The following CBFA2T2 variants were observed in gnomAD, a reference collection of about 807,000 sequenced individuals.
CBFA2T2 encodes CBFA2/RUNX1 partner transcriptional co-repressor 2, also known as protein CBFA2T2.
A neutral mutation model predicts 62.2 loss-of-function variants in CBFA2T2; 11 were observed. The ratio of observed to expected loss-of-function variants is 0.18; its 90% confidence interval spans 0.11 to 0.29. CBFA2T2 has a LOEUF of 0.29. Among genes scored for constraint, CBFA2T2 ranks in the 10% least tolerant of loss-of-function variants. The pLI is 1.00. For missense variants in CBFA2T2, 592 were observed against 774.1 expected (o/e 0.76, Z 2.79); for synonymous variants, 295 against 287.5 (o/e 1.03, Z -0.27).
At chr20:33,642,084 C>A (rs1290901171) in intron 10 of CBFA2T2, among the ~76,000 whole-genome samples, 1 of 148,416 alleles carries the variant, frequency 6.7e-6, no homozygotes, top group African/African-American at 2.5e-5. Flanking sequence ...CCTCCCTTTT[C>A]GTTCTCTCCT....
intron 1 of CBFA2T2, among the ~76,000 whole-genome samples, chr20:33,605,570 G>A (rs966068298): frequency 2.0e-5 from 3 of 152,150 alleles, no homozygotes; most frequent in Admixed American, 2.0e-4. Flanking sequence ...GCAGCATCAT[G>A]AAGTTTATCT....
At position 33,522,564 on chromosome 20, in the gene CBFA2T2, TA is replaced by T. The variant is rs1239084542; in HGVS notation, c.34+32275del. Among the ~76,000 whole-genome samples, 244 of 146,502 alleles carry T rather than the reference TA, an allele frequency of 1.7e-3. 1 individual carries two copies. The highest frequency in any genetic ancestry group is 4.8e-3 in the African/African-American group (192 of 40,118). Reference sequence around the variant, plus strand: ...TCAACATAGCAAGACCCTGTTTGTTTAAAAAAAAAAAATTAAAAAAATAAAA... The same window carrying T: ...TCAACATAGCAAGACCCTGTTTGTTTAAAAAAAAAAATTAAAAAAATAAAA... On this transcript the variant is annotated intron_variant, in intron 1 of 10. Coordinates refer to ENST00000342704, the MANE Select transcript of CBFA2T2 (RefSeq NM_001032999.3).
intron 1 of CBFA2T2, among the ~76,000 whole-genome samples, chr20:33,500,401 T>C (rs1475120216): frequency 6.6e-6 from 1 of 151,596 alleles, no homozygotes; most frequent in African/African-American, 2.4e-5. Context: ...CCCTAACAAC[T>C]CTTCTTATTT....
At chr20:33,595,533 T>A (rs941921144) in intron 1 of CBFA2T2, among the ~76,000 whole-genome samples, 1 of 151,640 alleles carries the variant, frequency 6.6e-6, no homozygotes, top group Non-Finnish European at 1.5e-5. Flanking sequence ...CGGTACTTGT[T>A]TTTTAATTTT....
At chr20:33,643,367 G>A (rs1037969100) in intron 10 of CBFA2T2, among the ~76,000 whole-genome samples, 2 of 152,130 alleles carry the variant, frequency 1.3e-5, no homozygotes, top group African/African-American at 4.8e-5. Flanking sequence ...TTTGAGGCCA[G>A]GAGGTCAAGA....
chr20:33,602,158 G>A (rs181726833), intron 1 of CBFA2T2, among the ~76,000 whole-genome samples: 61 of 152,124 alleles, frequency 4.0e-4, no homozygotes, highest in African/African-American at 1.5e-3. Flanking sequence ...CCATGTGAGA[G>A]TATCTGCTGT....
At chr20:33,559,938 G>T (rs1481609768) in intron 1 of CBFA2T2, among the ~76,000 whole-genome samples, 1 of 152,136 alleles carries the variant, frequency 6.6e-6, no homozygotes, top group South Asian at 2.1e-4. Context: ...TACATTTTCT[G>T]CCCTATACCT....
At chr20:33,598,037 G>A (rs910173430) in intron 1 of CBFA2T2, among the ~76,000 whole-genome samples, 1 of 152,160 alleles carries the variant, frequency 6.6e-6, no homozygotes, top group Non-Finnish European at 1.5e-5. Flanking sequence ...AGTTTCAAAA[G>A]GGGAGGGAGT....
At chr20:33,579,104 G>A (rs1241913332) in intron 1 of CBFA2T2, among the ~76,000 whole-genome samples, 1 of 147,916 alleles carries the variant, frequency 6.8e-6, no homozygotes, top group Non-Finnish European at 1.5e-5. Context: ...TTTTTTTGGG[G>A]GTTTTTTTTT....
In CBFA2T2 at chr20:33,494,374, T is replaced by C. The variant is rs1277674408; in HGVS notation, c.34+4073T>C. The stretch of plus-strand genomic sequence containing the variant: ...TCAGCTCACTGCAAGCTCCACCTCC[T>C]GGGTTCACGCCATTCTCCTGCCTCA... On this transcript the variant is annotated intron_variant, in intron 1 of 10. Coordinates refer to ENST00000342704, the MANE Select transcript of CBFA2T2 (RefSeq NM_001032999.3). Among the ~76,000 whole-genome samples, 470 of 132,970 alleles carry C rather than the reference T, an allele frequency of 3.5e-3. 5 individuals are homozygous for C. The highest frequency in any genetic ancestry group is 0.013 in the African/African-American group (450 of 34,586). 87.2% of individuals were successfully genotyped at this position (132,970 alleles called of 152,430 possible).
At chr20:33,612,953 G>A (rs1332363364) in intron 3 of CBFA2T2, among the ~76,000 whole-genome samples, 1 of 152,156 alleles carries the variant, frequency 6.6e-6, no homozygotes, top group Admixed American at 6.5e-5. Flanking sequence ...TGAGTGTGGT[G>A]GCATATGCCT....
In CBFA2T2 at chr20:33,583,950, GTTTA is replaced by G. The variant is rs751673240; in HGVS notation, c.35-22994_35-22991del. On this transcript the variant is annotated intron_variant, in intron 1 of 10. Coordinates refer to ENST00000342704, the MANE Select transcript of CBFA2T2 (RefSeq NM_001032999.3). ...TATTTATTTGTTTGTTTGTTTGTTT[GTTTA>G]TTTATTTATTTGAGACAGAATCTTG... Among the ~76,000 whole-genome samples, 1,042 of 151,660 alleles carry G rather than the reference GTTTA, an allele frequency of 6.9e-3. 2 individuals are homozygous for G. The highest frequency in any genetic ancestry group is 0.017 in the Middle Eastern group (5 of 294).
At chr20:33,616,082 TA>T (rs570666536) in intron 3 of CBFA2T2, among the ~76,000 whole-genome samples, 323 of 68,646 alleles carry the variant, frequency 4.7e-3, no homozygotes, top group African/African-American at 0.016. Flanking sequence ...TAGATAGAGA[TA>T]GATAGATAGA....
At chr20:33,562,681 A>G in intron 1 of CBFA2T2, 1 of 985,014 alleles carries the variant, frequency 1.0e-6, no homozygotes, top group Non-Finnish European at 1.2e-6. Flanking sequence ...TGGGGTAAGT[A>G]CATTTTAATA....
At chr20:33,544,757 G>A (rs549168864) in intron 1 of CBFA2T2, among the ~76,000 whole-genome samples, 95 of 152,130 alleles carry the variant, frequency 6.2e-4, no homozygotes, top group Middle Eastern at 3.4e-3. Flanking sequence ...ATATTGGGCA[G>A]GCTGGTCATG....
chr20:33,640,754 TATAGAG>T (rs980611514), intron 10 of CBFA2T2, among the ~76,000 whole-genome samples: 33 of 151,680 alleles, frequency 2.2e-4, no homozygotes, highest in Non-Finnish European at 1.5e-5. Context: ...TACATATATA[TATAGAG>T]AGAGAGAGAG....
intron 1 of CBFA2T2, among the ~76,000 whole-genome samples, chr20:33,526,535 T>C (rs2011892218): frequency 6.6e-6 from 1 of 152,236 alleles, no homozygotes; most frequent in Admixed American, 6.5e-5. Flanking sequence ...ATAAAGCCAC[T>C]ATAAACATTT....
chr20:33,591,467 C>CAAAAAAAAAAAAAA (rs11475752), intron 1 of CBFA2T2, among the ~76,000 whole-genome samples: 5 of 98,094 alleles, frequency 5.1e-5, no homozygotes, highest in Non-Finnish European at 6.7e-5. Flanking sequence ...GAGTAAATCT[C>CAAAAAAAAAAAAAA]AAAAAAAAAA....
At chr20:33,515,380 C>T (rs541504330) in intron 1 of CBFA2T2, among the ~76,000 whole-genome samples, 2 of 147,812 alleles carry the variant, frequency 1.4e-5, no homozygotes, top group South Asian at 2.1e-4. Flanking sequence ...AAGTGTGGCA[C>T]TGCACACCAG....
Sources: gnomAD v4.1 joint callset for allele counts (sites outside exome capture counted in the v4.1 genomes callset) on GRCh38, gnomAD v4.1.1 for gene constraint, MANE v1.5 for transcripts, NCBI Gene and HGNC (gene_info 2026-07-23, HGNC 2026-07-21) for gene names.